The following TANK variants were observed in gnomAD, a reference collection of about 807,000 sequenced individuals.
TANK encodes TRAF family member-associated NF-kappa-B activator.
A neutral mutation model predicts 43.6 loss-of-function variants in TANK; 15 were observed. That is an observed-to-expected ratio of 0.34 (90% CI 0.23 to 0.53). The LOEUF (loss-of-function observed/expected upper bound fraction) is 0.53. Among genes scored for constraint, TANK ranks in the 20% least tolerant of loss-of-function variants. TANK has a pLI of 0.94. For missense variants in TANK, 417 were observed against 498.6 expected, an observed-to-expected ratio of 0.84 and a Z score of 1.56; for synonymous variants, 162 against 178.2, an observed-to-expected ratio of 0.91 and a Z score of 0.73.
chr2:161,197,771 G>T (rs180902769), intron 2 of TANK, among the ~76,000 whole-genome samples: 70 of 152,156 alleles, frequency 4.6e-4, no homozygotes, highest in African/African-American at 1.5e-3. Flanking sequence ...TTATTCATGT[G>T]GGAGCAGCCC....
rs571520818 is a variant in TANK, at chr2:161,179,595, T to G, written c.-49-19T>G. The G allele has an allele frequency of 6.3e-7, 1 of 1,584,278 alleles. No individual in the cohort carries two copies. Among genetic ancestry groups the G allele is most frequent in the African/African-American group, 1.4e-5 (1 of 73,420 alleles). Reference sequence around the variant, plus strand: ...TATGTAACTTAGTAATTATCTAAATTGATCTCATTATTTTGCAGACCTGTC... The same window carrying G: ...TATGTAACTTAGTAATTATCTAAATGGATCTCATTATTTTGCAGACCTGTC... On this transcript the variant is annotated intron_variant, in intron 1 of 7. Coordinates refer to ENST00000392749, the MANE Select transcript of TANK (RefSeq NM_001199135.3).
At chr2:161,205,577 G>A (rs1686615756) in intron 4 of TANK, among the ~76,000 whole-genome samples, 1 of 152,016 alleles carries the variant, frequency 6.6e-6, no homozygotes, top group Non-Finnish European at 1.5e-5. Flanking sequence ...ATATCTGCAA[G>A]GAGACATATA....
intron 2 of TANK, among the ~76,000 whole-genome samples, chr2:161,195,419 T>C (rs1202476996): frequency 1.3e-5 from 2 of 152,198 alleles, no homozygotes; most frequent in Non-Finnish European, 2.9e-5. Flanking sequence ...CAGAGAAGAT[T>C]ATCATTATAT....
chr2:161,234,686 T>C (rs540482659), intron 7 of TANK, among the ~76,000 whole-genome samples: 70 of 152,346 alleles, frequency 4.6e-4, no homozygotes, highest in Middle Eastern at 6.8e-3. Context: ...AACTACCTAT[T>C]ATATAACAGA....
upstream of TANK, among the ~76,000 whole-genome samples, chr2:161,157,100 T>A (rs576291075): frequency 7.2e-4 from 110 of 152,336 alleles, no homozygotes; most frequent in Non-Finnish European, 1.1e-3. Flanking sequence ...TTCTTAGCCA[T>A]CACACATAGT....
chr2:161,156,854 G>C (rs1558962314), upstream of TANK, among the ~76,000 whole-genome samples: 1 of 152,162 alleles, frequency 6.6e-6, no homozygotes, highest in Non-Finnish European at 1.5e-5. Context: ...CAGAAACAAT[G>C]ATTTGTCTTT....
At chr2:161,145,133 C>CTTT (rs144526006) in intron 1 of TANK, among the ~76,000 whole-genome samples, 3 of 32,880 alleles carry the variant, frequency 9.1e-5, no homozygotes, top group African/African-American at 2.6e-4. Flanking sequence ...GCAACCCCTG[C>CTTT]TTTTTTTTTT....
chr2:161,145,689 T>G (rs1414861356), intron 1 of TANK, among the ~76,000 whole-genome samples: 1 of 151,962 alleles, frequency 6.6e-6, no homozygotes, highest in Non-Finnish European at 1.5e-5. Flanking sequence ...GCTGAGAGGT[T>G]CACTGTTAGT....
At chr2:161,159,172 T>C (rs748631324), upstream of TANK, 9 of 152,222 alleles carry the variant, frequency 5.9e-5, no homozygotes, top group Non-Finnish European at 1.3e-4. Flanking sequence ...TACCTTATGA[T>C]CCAGCAATCA....
chr2:161,207,896 A>G (rs1173731351), intron 4 of TANK: 2 of 983,872 alleles, frequency 2.0e-6, no homozygotes, highest in Non-Finnish European at 2.4e-6. Context: ...ATTCTTTTTT[A>G]TTCTATTTTT....
chr2:161,204,624 T>C, intron 3 of TANK, 51 bp from the exon 4 acceptor site: 3 of 1,546,820 alleles, frequency 1.9e-6, no homozygotes, highest in Non-Finnish European at 2.6e-6. Flanking sequence ...TTTCAGGTGG[T>C]ACCAAAAATA....
chr2:161,170,457 C>G (rs1297387424), intron 1 of TANK, among the ~76,000 whole-genome samples: 1 of 152,044 alleles, frequency 6.6e-6, no homozygotes. Flanking sequence ...CTATATACTT[C>G]TTGTAGAATA....
chr2:161,226,155 T>C (rs2105391369), intron 6 of TANK, among the ~76,000 whole-genome samples: 1 of 152,290 alleles, frequency 6.6e-6, no homozygotes, highest in East Asian at 1.9e-4. Context: ...TATTCTTTGT[T>C]ACACAGAAAA....
intron 1 of TANK, among the ~76,000 whole-genome samples, chr2:161,164,034 T>TA (rs1684561237): frequency 6.6e-6 from 1 of 152,222 alleles, no homozygotes; most frequent in Admixed American, 6.5e-5. Flanking sequence ...ACTGAAGCGT[T>TA]ACTAACAGTA....
chr2:161,143,804 G>C (rs1029807218), intron 1 of TANK, among the ~76,000 whole-genome samples: 11 of 152,214 alleles, frequency 7.2e-5, no homozygotes, highest in Admixed American at 6.5e-4. Flanking sequence ...GCCAGGTTTT[G>C]GTATCAGGAT....
At chr2:161,159,634 A>G (rs534936941), upstream of TANK, among the ~76,000 whole-genome samples, 2 of 152,376 alleles carry the variant, frequency 1.3e-5, no homozygotes, top group African/African-American at 4.8e-5. Flanking sequence ...TGGCCTAAGG[A>G]AAGATGTGTA....
chr2:161,227,308 C>T (rs1004964128), intron 6 of TANK, among the ~76,000 whole-genome samples: 5 of 152,172 alleles, frequency 3.3e-5, no homozygotes, highest in South Asian at 2.1e-4. Context: ...TTGTTCACAG[C>T]GGGGATAGAT....
intron 1 of TANK, among the ~76,000 whole-genome samples, chr2:161,170,634 A>C (rs1684902118): frequency 6.6e-6 from 1 of 152,182 alleles, no homozygotes; most frequent in African/African-American, 2.4e-5. Context: ...ACAAAATTAG[A>C]TCCAGGAGTC....
chr2:161,173,143 A>G (rs1171764807), intron 1 of TANK, among the ~76,000 whole-genome samples: 2 of 152,172 alleles, frequency 1.3e-5, no homozygotes, highest in African/African-American at 4.8e-5. Flanking sequence ...ACAGCTCTAT[A>G]GGATGCCATT....
Sources: allele counts gnomAD v4.1 joint callset (sites outside exome capture counted in the v4.1 genomes callset), GRCh38; gene constraint gnomAD v4.1.1; transcripts MANE v1.5; gene names NCBI Gene and HGNC (gene_info 2026-07-23, HGNC 2026-07-21).